The following CSMD1 variants were observed in gnomAD, a reference collection of about 807,000 sequenced individuals.
The protein encoded by CSMD1 is CUB and Sushi multiple domains 1.
In CSMD1, 213 loss-of-function variants were observed where a neutral mutation model predicts 417.5. The observed-to-expected ratio is 0.51, with a 90% confidence interval of 0.46 to 0.57. CSMD1 has a LOEUF of 0.57. Ranked by LOEUF, CSMD1 falls within the 20% of genes least tolerant of loss-of-function variation. The pLI is 0.00. For missense variants in CSMD1, 6,923 were observed against 4,529.7 expected (o/e 1.53, Z -15.17); for synonymous variants, 2,862 against 1,736.8 (o/e 1.65, Z -16.11).
intron 5 of CSMD1, among the ~76,000 whole-genome samples, chr8:3,767,562 G>A (rs1398149087): frequency 3.9e-5 from 6 of 152,138 alleles, no homozygotes; most frequent in Admixed American, 6.5e-5. Flanking sequence ...AAAGCTGATT[G>A]CTGACCTTAT....
At chr8:4,227,113 A>G (rs911187966) in intron 3 of CSMD1, among the ~76,000 whole-genome samples, 4 of 152,166 alleles carry the variant, frequency 2.6e-5, no homozygotes, top group African/African-American at 9.7e-5. Context: ...TGGGAAGGAA[A>G]TCGCCCCCAA....
At chr8:3,835,503 C>G (rs76674259) in intron 5 of CSMD1, among the ~76,000 whole-genome samples, 56,477 of 151,222 alleles carry the variant, frequency 0.37, 11,223 homozygotes, top group African/African-American at 0.51. Flanking sequence ...TCACTCATAG[C>G]TGGGAATTGA....
At chr8:3,036,184 T>C (rs1035517506) in intron 50 of CSMD1, among the ~76,000 whole-genome samples, 1 of 152,218 alleles carries the variant, frequency 6.6e-6, no homozygotes. Context: ...CCGTGAGTAA[T>C]TCTGATTTAT....
At chr8:4,745,165 G>C (rs952439938) in intron 1 of CSMD1, among the ~76,000 whole-genome samples, 2 of 151,928 alleles carry the variant, frequency 1.3e-5, no homozygotes, top group Admixed American at 6.6e-5. Flanking sequence ...ATCTTATGTA[G>C]GTAAGTTCTA....
intron 49 of CSMD1, among the ~76,000 whole-genome samples, chr8:3,062,466 G>A (rs573772490): frequency 2.0e-5 from 3 of 151,910 alleles, no homozygotes; most frequent in Non-Finnish European, 2.9e-5. Context: ...AGAAAAGTGT[G>A]TCTGAAAATG....
At chr8:4,953,128 C>A (rs1204969872) in intron 1 of CSMD1, among the ~76,000 whole-genome samples, 2 of 152,078 alleles carry the variant, frequency 1.3e-5, no homozygotes, top group Non-Finnish European at 2.9e-5. Flanking sequence ...GTTATTAACT[C>A]AAATTAACTG....
chr8:3,018,092 C>A (rs1396911490), intron 52 of CSMD1, among the ~76,000 whole-genome samples: 1 of 152,130 alleles, frequency 6.6e-6, no homozygotes, highest in Non-Finnish European at 1.5e-5. Flanking sequence ...AAATAATTCA[C>A]TGTACTTATG....
rs1035575353 is a variant in CSMD1, at chr8:4,407,281, T to C, written c.415+12672A>G. On this transcript the variant is annotated intron_variant, in intron 3 of 69. Transcript: ENST00000635120. ...AAAATGACCTTAACTTTTGGAGTAA[T>C]TTCATAGGAATAAAATCACTGCTAT... Among the ~76,000 whole-genome samples the C allele has an allele frequency of 2.0e-5, 3 of 152,306 alleles. No homozygotes were observed. The South Asian group carries it at 6.2e-4, about 32-fold the overall frequency.
At chr8:4,875,405 T>C (rs1408999500) in intron 1 of CSMD1, among the ~76,000 whole-genome samples, 3 of 152,084 alleles carry the variant, frequency 2.0e-5, no homozygotes, top group Admixed American at 1.3e-4. Context: ...CCAGAATAAA[T>C]TGTTAAACAG....
intron 3 of CSMD1, among the ~76,000 whole-genome samples, chr8:4,153,850 T>A (rs1199059455): frequency 6.6e-6 from 1 of 152,348 alleles, no homozygotes; most frequent in South Asian, 2.1e-4. Context: ...GTGGTGACCG[T>A]AGCTATGTGG....
intron 3 of CSMD1, among the ~76,000 whole-genome samples, chr8:4,086,200 C>T (rs1175676559): frequency 1.3e-5 from 2 of 152,070 alleles, no homozygotes; most frequent in African/African-American, 2.4e-5. Flanking sequence ...AACCTTACAG[C>T]TACAAAGTAT....
intron 3 of CSMD1, among the ~76,000 whole-genome samples, chr8:4,055,011 T>C (rs905038673): frequency 3.9e-5 from 6 of 152,204 alleles, no homozygotes; most frequent in African/African-American, 1.4e-4. Context: ...TAAATGTGTG[T>C]GAAGAAGGCG....
intron 19 of CSMD1, 34 bp downstream of exon 19, chr8:3,369,220 G>C (rs769270701): frequency 3.9e-6 from 4 of 1,022,942 alleles, no homozygotes; most frequent in African/African-American, 1.6e-5. Flanking sequence ...TCATTTATTA[G>C]TCTGTATGTT....
intron 7 of CSMD1, among the ~76,000 whole-genome samples, chr8:3,701,420 G>A (rs1329315854): frequency 6.6e-6 from 1 of 152,072 alleles, no homozygotes; most frequent in East Asian, 1.9e-4. Context: ...CTGTCCCCGG[G>A]CTGAACCGAA....
intron 1 of CSMD1, among the ~76,000 whole-genome samples, chr8:4,715,605 C>A (rs1022139950): frequency 2.6e-5 from 4 of 152,140 alleles, no homozygotes; most frequent in Non-Finnish European, 5.9e-5. Flanking sequence ...CAAAATTTAA[C>A]GTGAACAAAA....
intron 5 of CSMD1, among the ~76,000 whole-genome samples, chr8:3,970,681 A>G (rs1018004094): frequency 2.6e-5 from 4 of 152,196 alleles, no homozygotes; most frequent in African/African-American, 9.6e-5. Context: ...AACCTCTAAT[A>G]AAATGTATAT....
intron 2 of CSMD1, among the ~76,000 whole-genome samples, chr8:4,626,795 C>G (rs1237211203): frequency 6.6e-6 from 1 of 152,134 alleles, no homozygotes; most frequent in East Asian, 1.9e-4. Flanking sequence ...AAGCCCTGTG[C>G]AGAGTTCTGA....
In CSMD1 at chr8:2,963,102, T is replaced by C. The variant is rs900399637; in HGVS notation, c.9454+120A>G. 6 of 1,105,614 alleles carry C rather than the reference T, an allele frequency of 5.4e-6. No individual in the cohort carries two copies. The East Asian group carries it at 9.6e-5, about 18-fold the overall frequency. 68.5% of individuals were successfully genotyped at this position (1,105,614 alleles called of 1,614,324 possible). ...AGTCTCAAGTTTGAGTTTTTGTGTA[T>C]TTTAGGGCTATTATTACCCACCAGG... is the stretch of plus-strand genomic sequence containing the variant. On this transcript the variant is annotated intron_variant, in intron 60 of 69. Coordinates refer to ENST00000635120, the MANE Select transcript of CSMD1 (RefSeq NM_033225.6).
At position 4,007,517 on chromosome 8, in the gene CSMD1, C is replaced by G. The variant is rs149441941; in HGVS notation, c.611-9407G>C. ...GCCCTCTCTGGCCACCATATTTAAACTAGCACTCACCTAGATTGCTTCCCA... is the reference window on the plus strand; with the variant it reads ...GCCCTCTCTGGCCACCATATTTAAAGTAGCACTCACCTAGATTGCTTCCCA... On this transcript the variant is annotated intron_variant, in intron 4 of 69. Coordinates refer to ENST00000635120, the MANE Select transcript of CSMD1 (RefSeq NM_033225.6). 3.7e-3 allele frequency among the ~76,000 whole-genome samples: 570 copies of G among 152,256 alleles called. 5 individuals carry two copies. The highest frequency in any genetic ancestry group is 0.013 in the African/African-American group (531 of 41,552).
Sources: allele counts gnomAD v4.1 joint callset (sites outside exome capture counted in the v4.1 genomes callset), GRCh38; gene constraint gnomAD v4.1.1; transcripts MANE v1.5; gene names NCBI Gene and HGNC (gene_info 2026-07-23, HGNC 2026-07-21).